The following CFAP144 variants were observed in gnomAD, a reference collection of about 807,000 sequenced individuals.
CFAP144 encodes the protein cilia- and flagella-associated protein 144.
chr1:43,156,125 T>C, the CFAP144 span: 20 of 1,159,558 alleles, frequency 1.7e-5, no homozygotes, highest in Admixed American at 3.4e-4. Flanking sequence ...GAGCCTGATA[T>C]AAGCCAGGCC....
chr1:43,154,824 G>A, the CFAP144 span, among the ~76,000 whole-genome samples: 1 of 152,178 alleles, frequency 6.6e-6, no homozygotes, highest in East Asian at 1.9e-4. Context: ...AAGTGCGACT[G>A]TGTAGCCAAG....
chr1:43,154,742 A>C, the CFAP144 span, among the ~76,000 whole-genome samples: 12 of 152,312 alleles, frequency 7.9e-5, no homozygotes, highest in Admixed American at 2.6e-4. Context: ...TGTGAAGGGC[A>C]TAGGCACCAC....
At chr1:43,155,284 A>G in the CFAP144 span, among the ~76,000 whole-genome samples, 1 of 152,248 alleles carries the variant, frequency 6.6e-6, no homozygotes, top group Non-Finnish European at 1.5e-5. Context: ...ACCATTCTTC[A>G]TTTTGTTAAA....
At chr1:43,153,208 A>G in the CFAP144 span, among the ~76,000 whole-genome samples, 1 of 152,232 alleles carries the variant, frequency 6.6e-6, no homozygotes, top group Non-Finnish European at 1.5e-5. Context: ...CTGTGTGTTT[A>G]AATAAAGGTA....
the CFAP144 span, among the ~76,000 whole-genome samples, chr1:43,148,243 C>T: frequency 6.6e-6 from 1 of 152,042 alleles, no homozygotes; most frequent in African/African-American, 2.4e-5. Context: ...TTTGGAGAGG[C>T]CACATCATAT....
the CFAP144 span, chr1:43,145,153 C>A: frequency 3.2e-6 from 3 of 937,294 alleles, no homozygotes; most frequent in South Asian, 1.4e-5. Flanking sequence ...CATGCCTGGT[C>A]AGCCAGCCTG....
the CFAP144 span, chr1:43,147,933 C>T: frequency 1.2e-6 from 2 of 1,612,564 alleles, no homozygotes; most frequent in African/African-American, 1.3e-5. Flanking sequence ...GGCAAGAGGG[C>T]GCGTGGCAGC....
At chr1:43,147,711 G>C in the CFAP144 span, 1 of 934,460 alleles carries the variant, frequency 1.1e-6, no homozygotes, top group Non-Finnish European at 1.3e-6. Context: ...AGGAGCTGGG[G>C]CAAGTGAGTA....
At chr1:43,145,338 C>T in the CFAP144 span, 15 of 1,429,502 alleles carry the variant, frequency 1.0e-5, no homozygotes, top group Non-Finnish European at 1.3e-5. Context: ...GTGAGTGCAA[C>T]CCCTGAGAAT....
the CFAP144 span, among the ~76,000 whole-genome samples, chr1:43,153,336 G>T: frequency 2.8e-4 from 43 of 152,160 alleles, no homozygotes; most frequent in Admixed American, 1.3e-3. Context: ...GTGGCTGAGC[G>T]TAGTGGCTCA....
the CFAP144 span, among the ~76,000 whole-genome samples, chr1:43,149,444 GAA>G: frequency 6.6e-6 from 1 of 152,148 alleles, no homozygotes; most frequent in Non-Finnish European, 1.5e-5. Context: ...GCTTCTTCCT[GAA>G]TGCCTCTCCC....
chr1:43,154,333 TC>T, the CFAP144 span, among the ~76,000 whole-genome samples: 9 of 146,394 alleles, frequency 6.1e-5, no homozygotes, highest in Admixed American at 2.8e-4. Context: ...TTTATATATA[TC>T]CCCTCTTTTT....
At chr1:43,147,707 T>C in the CFAP144 span, 4 of 923,906 alleles carry the variant, frequency 4.3e-6, no homozygotes, top group East Asian at 1.2e-4. Flanking sequence ...CCTGAGGAGC[T>C]GGGGCAAGTG....
At chr1:43,151,258 A>C in the CFAP144 span, among the ~76,000 whole-genome samples, 1 of 152,226 alleles carries the variant, frequency 6.6e-6, no homozygotes, top group African/African-American at 2.4e-5. Flanking sequence ...TGTGAGGATT[A>C]AACAAAGCAA....
the CFAP144 span, chr1:43,150,734 T>C: frequency 1.3e-6 from 2 of 1,584,704 alleles, no homozygotes; most frequent in Non-Finnish European, 1.7e-6. Flanking sequence ...TAATCTGAAC[T>C]TGTGAAGCTG....
the CFAP144 span, among the ~76,000 whole-genome samples, chr1:43,150,098 C>T: frequency 2.0e-5 from 3 of 152,328 alleles, no homozygotes; most frequent in South Asian, 2.1e-4. Context: ...CCAGCCCCAA[C>T]GCCAACTCTC....
the CFAP144 span, among the ~76,000 whole-genome samples, chr1:43,146,686 C>T: frequency 6.6e-6 from 1 of 152,030 alleles, no homozygotes; most frequent in African/African-American, 2.4e-5. Context: ...ACACTGTGTC[C>T]CAGACTAAAC....
the CFAP144 span, chr1:43,153,087 A>T: frequency 5.5e-6 from 5 of 914,470 alleles, no homozygotes; most frequent in Non-Finnish European, 6.5e-6. Flanking sequence ...GACTCAGTTT[A>T]ATTGTTGTAA....
the CFAP144 span, among the ~76,000 whole-genome samples, chr1:43,142,963 T>C: frequency 6.6e-6 from 1 of 152,186 alleles, no homozygotes; most frequent in Non-Finnish European, 1.5e-5. Context: ...TGTAATTTTT[T>C]TTTAACTTTT....
Sources: gnomAD v4.1 joint callset for allele counts (sites outside exome capture counted in the v4.1 genomes callset) on GRCh38, gnomAD v4.1.1 for gene constraint, MANE v1.5 for transcripts, NCBI Gene and HGNC (gene_info 2026-07-23, HGNC 2026-07-21) for gene names.